FYN: variants seen among roughly 807,000 people sequenced by gnomAD.
The protein encoded by FYN is tyrosine-protein kinase Fyn.
Under a neutral mutation model 70.2 loss-of-function variants are expected in FYN, and 10 were observed. The observed-to-expected ratio is 0.14, with a 90% CI of 0.09 to 0.24. FYN has a LOEUF of 0.24. FYN is among the 10% of genes least tolerant of loss of function. The pLI is 1.00. For synonymous variants in FYN, 236 were observed against 248.6 expected (o/e 0.95, Z 0.48); for missense variants, 319 against 673.1 (o/e 0.47, Z 5.82).
intron 2 of FYN, among the ~76,000 whole-genome samples, chr6:111,837,624 C>T (rs73766763): frequency 0.03 from 4,558 of 152,250 alleles, 225 homozygotes; most frequent in African/African-American, 0.1. Flanking sequence ...TGATTTTCTC[C>T]CCTCACTGGC....
intron 1 of FYN, among the ~76,000 whole-genome samples, chr6:111,847,510 T>C (rs922979799): frequency 2.0e-5 from 3 of 152,258 alleles, no homozygotes; most frequent in African/African-American, 7.2e-5. Flanking sequence ...CAGAGAGCTT[T>C]GAGTTAAGAA....
At chr6:111,810,843 G>GCTTCCTTACGCTTTGCTAAATCCTTA (rs1772301891) in intron 2 of FYN, among the ~76,000 whole-genome samples, 1 of 152,174 alleles carries the variant, frequency 6.6e-6, no homozygotes, top group African/African-American at 2.4e-5. Context: ...CCTTACACTC[G>GCTTCCTTACGCTTTGCTAAATCCTTA]CGCTTTGCTA....
At chr6:111,814,634 T>C (rs1772428367) in intron 2 of FYN, among the ~76,000 whole-genome samples, 1 of 152,066 alleles carries the variant, frequency 6.6e-6, no homozygotes, top group South Asian at 2.1e-4. Flanking sequence ...AAATTATGAA[T>C]TTCACCCAGT....
At chr6:111,706,179 C>T (rs1404035587) in intron 6 of FYN, among the ~76,000 whole-genome samples, 1 of 152,194 alleles carries the variant, frequency 6.6e-6, no homozygotes, top group Non-Finnish European at 1.5e-5. Context: ...CAAGCCTTAA[C>T]CAAGCCTGGC....
chr6:111,756,365 A>C (rs573564722), intron 3 of FYN, among the ~76,000 whole-genome samples: 1 of 152,056 alleles, frequency 6.6e-6, no homozygotes, highest in Non-Finnish European at 1.5e-5. Flanking sequence ...CACCCAAAAA[A>C]ATCCAAAAAC....
chr6:111,808,452 G>T (rs950057074), intron 2 of FYN, among the ~76,000 whole-genome samples: 3 of 152,170 alleles, frequency 2.0e-5, no homozygotes, highest in Non-Finnish European at 4.4e-5. Flanking sequence ...GCCTGACAGG[G>T]ATAGTGACCC....
chr6:111,661,289 T>C lies in FYN; in HGVS notation c.*450A>G, dbSNP rs960098634. The stretch of plus-strand genomic sequence containing the variant: ...AACAAACACCTGTCCTGATTGGTTT[T>C]TGTTAAAACATGAAAAAAAATTTTA... On this transcript the variant is annotated 3_prime_UTR_variant, in exon 14 of 14. Coordinates refer to ENST00000354650, the MANE Select transcript of FYN (RefSeq NM_002037.5). This position sits in a 1 kb window ranked among gnomAD's most constrained non-coding sequence, Gnocchi z 4.0. 1 of 153,978 alleles carries C rather than the reference T, an allele frequency of 6.5e-6. No individual in the cohort carries two copies. The highest frequency in any genetic ancestry group is 2.4e-5 in the African/African-American group (1 of 41,420). The allele number at this position is 153,978 out of a possible 1,614,324, so 9.5% of individuals were successfully genotyped here.
intron 3 of FYN, among the ~76,000 whole-genome samples, chr6:111,727,722 G>A (rs1232606480): frequency 6.6e-6 from 1 of 152,186 alleles, no homozygotes; most frequent in African/African-American, 2.4e-5. Context: ...TCTGGAGGGG[G>A]AAGAGGATCA....
chr6:111,787,464 T>G (rs558094141), intron 2 of FYN, among the ~76,000 whole-genome samples: 22 of 152,272 alleles, frequency 1.4e-4, no homozygotes, highest in African/African-American at 5.1e-4. Flanking sequence ...TTTTGGTTAC[T>G]TAGCCTTGTA....
intron 3 of FYN, among the ~76,000 whole-genome samples, chr6:111,747,235 T>A (rs930548948): frequency 3.9e-5 from 6 of 152,106 alleles, no homozygotes; most frequent in African/African-American, 1.4e-4. Context: ...CACCCATGAG[T>A]GTCAGGTAGC....
intron 2 of FYN, among the ~76,000 whole-genome samples, chr6:111,799,787 C>T (rs1010746319): frequency 1.3e-5 from 2 of 152,208 alleles, no homozygotes; most frequent in African/African-American, 4.8e-5. Context: ...GAGGCTGTCA[C>T]TTGTGCAATT....
At chr6:111,723,401 A>G (rs1801044406) in intron 3 of FYN, among the ~76,000 whole-genome samples, 1 of 152,220 alleles carries the variant, frequency 6.6e-6, no homozygotes, top group Non-Finnish European at 1.5e-5. Flanking sequence ...ATCATTTTGG[A>G]GAAAACAATC....
intron 2 of FYN, among the ~76,000 whole-genome samples, chr6:111,839,338 C>CA: frequency 6.6e-6 from 1 of 152,194 alleles, no homozygotes; most frequent in South Asian, 2.1e-4. Flanking sequence ...CAGCTACTGA[C>CA]AGAAATCCAG....
rs1217177231 is a variant in FYN, at chr6:111,836,693, T to C, written c.-82+9896A>G. Among the ~76,000 whole-genome samples the C allele has an allele frequency of 2.6e-5, 4 of 152,186 alleles. No individual in the cohort carries two copies. In the East Asian group the frequency reaches 7.7e-4, roughly 29 times the overall value. The stretch of plus-strand genomic sequence containing the variant: ...TGAGGTGGGAGGATCGCCCAGGAGG[T>C]TGAGGCTGCAGTGAACCGTGACTGT... On this transcript the variant is annotated intron_variant, in intron 2 of 13. Coordinates refer to ENST00000354650, the MANE Select transcript of FYN (RefSeq NM_002037.5).
intron 3 of FYN, among the ~76,000 whole-genome samples, chr6:111,769,318 T>C (rs1188880348): frequency 2.6e-5 from 4 of 152,242 alleles, no homozygotes; most frequent in Non-Finnish European, 5.9e-5. Flanking sequence ...TTTTCCCTAT[T>C]TGAATTTCAA....
chr6:111,851,430 C>A (rs1004190393), intron 1 of FYN, among the ~76,000 whole-genome samples: 1 of 152,212 alleles, frequency 6.6e-6, no homozygotes, highest in East Asian at 1.9e-4. Context: ...CCCAGCACCT[C>A]CGCCTTGCAC....
chr6:111,777,983 T>C (rs1771017190), intron 3 of FYN, among the ~76,000 whole-genome samples: 1 of 152,180 alleles, frequency 6.6e-6, no homozygotes, highest in Non-Finnish European at 1.5e-5. Context: ...ACTAAATAAA[T>C]CCTTTATGAT....
intron 3 of FYN, among the ~76,000 whole-genome samples, chr6:111,765,355 T>C (rs994364007): frequency 3.9e-5 from 6 of 152,000 alleles, no homozygotes; most frequent in Non-Finnish European, 7.4e-5. Context: ...GGTCTTCTTA[T>C]AGGAAGGGGA....
At chr6:111,765,161 A>T (rs1803181176) in intron 3 of FYN, among the ~76,000 whole-genome samples, 1 of 151,864 alleles carries the variant, frequency 6.6e-6, no homozygotes, top group Admixed American at 6.6e-5. Context: ...TGCACACATG[A>T]GCACACACAC....
Sources: allele counts gnomAD v4.1 joint callset (sites outside exome capture counted in the v4.1 genomes callset), GRCh38; gene constraint gnomAD v4.1.1; non-coding constraint Gnocchi (gnomAD v3.1); transcripts MANE v1.5; gene names NCBI Gene and HGNC (gene_info 2026-07-23, HGNC 2026-07-21).